CAMK4: variants seen among roughly 807,000 people sequenced by gnomAD.
CAMK4 encodes the protein calcium/calmodulin-dependent protein kinase type IV.
A neutral mutation model predicts 44.9 loss-of-function variants in CAMK4; 22 were observed. That is an observed-to-expected ratio of 0.49 (90% CI 0.35 to 0.70). The LOEUF (loss-of-function observed/expected upper bound fraction) is 0.70, where lower values mean the gene tolerates loss of function less well. CAMK4 is among the 30% of genes least tolerant of loss of function. CAMK4 has a pLI of 0.01. For synonymous variants in CAMK4, 218 were observed against 215.4 expected, an observed-to-expected ratio of 1.01 and a Z score of -0.11; for missense variants, 498 against 586.8, an observed-to-expected ratio of 0.85 and a Z score of 1.56.
intron 5 of CAMK4, 23 bp from the exon 6 acceptor site, chr5:111,446,663 A>G: frequency 2.5e-6 from 3 of 1,222,024 alleles, no homozygotes; most frequent in Non-Finnish European, 3.6e-6. Flanking sequence ...CACAAATGTT[A>G]TTTCATTATT....
intron 1 of CAMK4, among the ~76,000 whole-genome samples, chr5:111,269,207 C>G (rs773954636): frequency 2.0e-5 from 3 of 152,284 alleles, no homozygotes; most frequent in Non-Finnish European, 4.4e-5. Flanking sequence ...AGCTGATCTT[C>G]TGCAATGAGT....
Position 111,344,183 on chromosome 5 carries a change from G to A in CAMK4, c.240+81G>A, listed in dbSNP as rs182744676. On this transcript the variant is annotated intron_variant, in intron 2 of 10. Coordinates refer to ENST00000282356, the MANE Select transcript of CAMK4 (RefSeq NM_001744.6). ...CAGGAACCTGATTTGAAGAACAAAG[G>A]GGCCAGAGAGCTGCTGTGTGCAAAT... 73 of 813,666 alleles carry A rather than the reference G, an allele frequency of 9.0e-5. No individual in the cohort carries two copies. The African/African-American group carries it at 1.1e-3, about 12-fold the overall frequency. 50.4% of individuals were successfully genotyped at this position (813,666 alleles called of 1,614,324 possible). A position where few individuals can be genotyped will look rare whatever the true frequency, so the allele number is the denominator to read the frequency against.
chr5:111,324,328 A>G (rs1474015701), intron 1 of CAMK4, among the ~76,000 whole-genome samples: 1 of 152,024 alleles, frequency 6.6e-6, no homozygotes, highest in African/African-American at 2.4e-5. Context: ...ATAAAGACAA[A>G]TAGAATGAAA....
chr5:111,322,564 G>A (rs985454812), intron 1 of CAMK4, among the ~76,000 whole-genome samples: 1 of 152,040 alleles, frequency 6.6e-6, no homozygotes, highest in Non-Finnish European at 1.5e-5. Flanking sequence ...AGACTCTCTA[G>A]TGTGTATCAT....
At chr5:111,230,858 G>A (rs1748439387) in intron 1 of CAMK4, among the ~76,000 whole-genome samples, 1 of 151,150 alleles carries the variant, frequency 6.6e-6, no homozygotes, top group African/African-American at 2.4e-5. Context: ...ACTCTTTTGG[G>A]AAAGCTACGT....
At chr5:111,261,514 G>C (rs1019751) in intron 1 of CAMK4, among the ~76,000 whole-genome samples, 1 of 150,646 alleles carries the variant, frequency 6.6e-6, no homozygotes, top group Non-Finnish European at 1.5e-5. Flanking sequence ...ATTATCTTCA[G>C]TTTCCTCACC....
chr5:111,389,906 A>G (rs1751739600), intron 4 of CAMK4, among the ~76,000 whole-genome samples: 1 of 151,656 alleles, frequency 6.6e-6, no homozygotes, highest in Admixed American at 6.6e-5. Flanking sequence ...CCACGTTTAG[A>G]GTAAAATGCA....
intron 5 of CAMK4, among the ~76,000 whole-genome samples, chr5:111,436,064 T>A (rs1417428885): frequency 6.6e-6 from 1 of 152,206 alleles, no homozygotes; most frequent in Non-Finnish European, 1.5e-5. Context: ...TTGCATAATA[T>A]CTAATTAAAA....
chr5:111,239,300 T>A (rs550892095), intron 1 of CAMK4, among the ~76,000 whole-genome samples: 16 of 152,186 alleles, frequency 1.1e-4, no homozygotes, highest in Non-Finnish European at 1.5e-4. Flanking sequence ...GTGTTTTGCT[T>A]GGTTTTATTG....
intron 2 of CAMK4, among the ~76,000 whole-genome samples, chr5:111,351,372 A>C (rs1203764852): frequency 6.6e-6 from 1 of 151,860 alleles, no homozygotes; most frequent in East Asian, 1.9e-4. Flanking sequence ...ATCTCTTTAC[A>C]AGGAAACTGG....
chr5:111,235,925 G>A (rs1486287397), intron 1 of CAMK4, among the ~76,000 whole-genome samples: 4 of 152,180 alleles, frequency 2.6e-5, no homozygotes, highest in Non-Finnish European at 4.4e-5. Context: ...AGGCCATTCT[G>A]GACAGCTGGA....
intron 5 of CAMK4, among the ~76,000 whole-genome samples, chr5:111,420,114 T>G (rs1178888496): frequency 6.7e-6 from 1 of 149,026 alleles, no homozygotes. Flanking sequence ...CCTCTTTTAT[T>G]TCATTGATCA....
At chr5:111,358,187 T>A (rs1284536189) in intron 2 of CAMK4, 1 of 152,120 alleles carries the variant, frequency 6.6e-6, no homozygotes, top group Non-Finnish European at 1.5e-5. Flanking sequence ...GCAAGCAACA[T>A]GTTATCTTTG....
rs1211619159 is a variant in CAMK4, at chr5:111,443,267, TATATATATATATACACAC to T, written c.460-3417_460-3400del. Reference sequence around the variant, plus strand: ...CCATATATATATATATATATATATATATATATATATATACACACACACACACACACACACACACACACA... The same window carrying T: ...CCATATATATATATATATATATATATACACACACACACACACACACACACA... On this transcript the variant is annotated intron_variant, in intron 5 of 10. Coordinates refer to ENST00000282356, the MANE Select transcript of CAMK4 (RefSeq NM_001744.6). Among the ~76,000 whole-genome samples, 53 of 48,804 alleles carry T rather than the reference TATATATATATATACACAC, an allele frequency of 1.1e-3. No individual in the cohort carries two copies. In the East Asian group the frequency reaches 0.018, roughly 16 times the overall value. The allele number at this position is 48,804 out of a possible 152,430, so 32.0% of individuals were successfully genotyped here.
intron 5 of CAMK4, among the ~76,000 whole-genome samples, chr5:111,419,440 T>C (rs1752939384): frequency 6.6e-6 from 1 of 152,234 alleles, no homozygotes; most frequent in Non-Finnish European, 1.5e-5. Flanking sequence ...AGAAACTCTT[T>C]AATTTAATTA....
chr5:111,487,446 A>C lies in CAMK4; in HGVS notation c.*2980A>C, dbSNP rs1454855147. 1 of 152,124 alleles carries C rather than the reference A, an allele frequency of 6.6e-6. No homozygotes were observed. The highest frequency in any genetic ancestry group is 1.5e-5 in the Non-Finnish European group (1 of 68,012). The allele number at this position is 152,124 out of a possible 1,614,324, so 9.4% of individuals were successfully genotyped here. Reference sequence around the variant, plus strand: ...GTCCCAGGACACATAAATAGGTAAAAATTAGAATAATATCGTGGTAGAAGT... The same window carrying C: ...GTCCCAGGACACATAAATAGGTAAACATTAGAATAATATCGTGGTAGAAGT... On this transcript the variant is annotated 3_prime_UTR_variant, in exon 11 of 11. Coordinates refer to ENST00000282356, the MANE Select transcript of CAMK4 (RefSeq NM_001744.6).
intron 4 of CAMK4, 40 bp downstream of exon 4, chr5:111,376,982 T>C (rs1751235832): frequency 1.6e-6 from 2 of 1,287,532 alleles, no homozygotes; most frequent in Non-Finnish European, 1.1e-6. Flanking sequence ...AAAGGTTTGC[T>C]TTTGGCCACC....
intron 1 of CAMK4, among the ~76,000 whole-genome samples, chr5:111,267,627 C>T (rs1451996497): frequency 6.7e-6 from 1 of 149,906 alleles, no homozygotes; most frequent in African/African-American, 2.5e-5. Flanking sequence ...TGGCGTGAAC[C>T]CGGAAGGCGG....
At chr5:111,397,555 A>G (rs1752064169) in intron 5 of CAMK4, among the ~76,000 whole-genome samples, 1 of 152,114 alleles carries the variant, frequency 6.6e-6, no homozygotes, top group African/African-American at 2.4e-5. Flanking sequence ...TTTTCTATTC[A>G]TATATTACAC....
Sources: gnomAD v4.1 joint callset for allele counts (sites outside exome capture counted in the v4.1 genomes callset) on GRCh38, gnomAD v4.1.1 for gene constraint, MANE v1.5 for transcripts, NCBI Gene and HGNC (gene_info 2026-07-23, HGNC 2026-07-21) for gene names.